The following HSPG2 variants were observed in gnomAD, a reference collection of about 807,000 sequenced individuals.
HSPG2 encodes the protein basement membrane-specific heparan sulfate proteoglycan core protein.
In HSPG2, 278 loss-of-function variants were observed where a neutral mutation model predicts 526.6. The ratio of observed to expected loss-of-function variants is 0.53; its 90% CI spans 0.48 to 0.58. The LOEUF is 0.58. Ranked by LOEUF, HSPG2 falls within the 20% of genes least tolerant of loss-of-function variation. The pLI, the probability that HSPG2 is intolerant of heterozygous loss-of-function variation, is 0.00. For missense variants in HSPG2, 5,354 were observed against 6,099.5 expected, an observed-to-expected ratio of 0.88 and a Z score of 4.07; for synonymous variants, 2,465 against 2,555.4, an observed-to-expected ratio of 0.96 and a Z score of 1.07.
In HSPG2 at chr1:21,847,918, T is replaced by C. The variant is rs754137971; in HGVS notation, c.7873+40A>G. 3.1e-6 allele frequency: 5 copies of C among 1,613,676 alleles called. No individual in the cohort carries two copies. The highest frequency in any genetic ancestry group is 4.2e-6 in the Non-Finnish European group (5 of 1,180,002). ...CACCGGGGACCTCTCTGCCACCCTC[T>C]GCGCCACTTGTCTGTACCCCCTGCC... On this transcript the variant is annotated intron_variant, in intron 60 of 96. Transcript: ENST00000374695. This position sits in a 1 kb window ranked among gnomAD's most constrained non-coding sequence, Gnocchi z 4.1.
intron 1 of HSPG2, among the ~76,000 whole-genome samples, chr1:21,930,747 C>T (rs1411371989): frequency 6.6e-6 from 1 of 150,808 alleles, no homozygotes; most frequent in Admixed American, 6.6e-5. Context: ...GCACTCTAGC[C>T]TGGGTAACAG....
At chr1:21,837,756 C>T (rs982785650) in intron 74 of HSPG2, among the ~76,000 whole-genome samples, 2 of 152,172 alleles carry the variant, frequency 1.3e-5, no homozygotes, top group Non-Finnish European at 2.9e-5. Flanking sequence ...CTGCGAGCCA[C>T]AGTTTTACAT....
chr1:21,912,746 G>A (rs779931323), intron 1 of HSPG2, among the ~76,000 whole-genome samples: 18 of 152,276 alleles, frequency 1.2e-4, no homozygotes, highest in Middle Eastern at 3.4e-3. Flanking sequence ...TTGGGAGGCC[G>A]AGGCAGGCGG....
At chr1:21,896,415 C>T (rs937865093) in intron 1 of HSPG2, 105 bp from the exon 2 acceptor site, 5 of 1,372,330 alleles carry the variant, frequency 3.6e-6, no homozygotes, top group Admixed American at 1.7e-5. Context: ...CCTTCAGGCC[C>T]CTTAGTGGTT....
chr1:21,850,366 G>A lies in HSPG2; in HGVS notation c.7291C>T (p.Pro2431Ser). Reference sequence around the variant, plus strand: ...GCCCTCCCTGAGAGCTACTCACCAGGCACTGAGCCCGCAGGCTCAATGGTG... The same window carrying A: ...GCCCTCCCTGAGAGCTACTCACCAGACACTGAGCCCGCAGGCTCAATGGTG... ...LVTIEPAGSVPALGVTPTVRI... is the reference protein window; with the variant it reads ...LVTIEPAGSVSALGVTPTVRI... The change falls in exon 56 of 97, where the codon CCT becomes TCT. Residue 2431 changes from proline (P) to serine (S), a missense_variant. Coordinates refer to ENST00000374695, the MANE Select transcript of HSPG2 (RefSeq NM_005529.7). 6.2e-7 allele frequency: 1 copy of A among 1,606,940 alleles called. No homozygotes were observed. The highest frequency in any genetic ancestry group is 2.2e-5 in the East Asian group (1 of 44,522).
intron 40 of HSPG2, 41 bp downstream of exon 40, chr1:21,860,136 C>T: frequency 6.2e-7 from 1 of 1,611,740 alleles, no homozygotes; most frequent in Non-Finnish European, 8.5e-7. Flanking sequence ...GGGCTCCCTG[C>T]CTTGCCCATC....
chr1:21,830,253 G>T (rs905388186), intron 85 of HSPG2, 162 bp from the exon 86 acceptor site: 3 of 646,300 alleles, frequency 4.6e-6, no homozygotes, highest in African/African-American at 3.6e-5. Context: ...AGAGCAAGGC[G>T]GGAGCCAGAA....
At position 21,872,943 on chromosome 1, in the gene HSPG2, G is replaced by A; in HGVS notation, c.3888+54C>T. 6.3e-7 allele frequency: 1 copy of A among 1,579,150 alleles called. No homozygotes were observed. The highest frequency in any genetic ancestry group is 8.7e-7 in the Non-Finnish European group (1 of 1,149,072). Reference sequence around the variant, plus strand: ...CCAGATGCTGCCTGATTTCCCCGCAGGGTCTGGGCAGCGGGGCAGAGCAGG... The same window carrying A: ...CCAGATGCTGCCTGATTTCCCCGCAAGGTCTGGGCAGCGGGGCAGAGCAGG... On this transcript the variant is annotated intron_variant, in intron 31 of 96. Coordinates refer to ENST00000374695, the MANE Select transcript of HSPG2 (RefSeq NM_005529.7). This position sits in a 1 kb window ranked among gnomAD's most constrained non-coding sequence, Gnocchi z 5.5.
intron 1 of HSPG2, among the ~76,000 whole-genome samples, chr1:21,919,089 C>G (rs1643958406): frequency 6.6e-6 from 1 of 152,234 alleles, no homozygotes; most frequent in Non-Finnish European, 1.5e-5. Flanking sequence ...CTTTGTCCAG[C>G]TGTGCCGAGC....
At chr1:21,851,421 A>G in intron 55 of HSPG2, 125 bp downstream of exon 55, 1 of 1,372,242 alleles carries the variant, frequency 7.3e-7, no homozygotes, top group Non-Finnish European at 1.0e-6. Context: ...CCACTGCACT[A>G]TACATCTGTG....
At position 21,842,107 on chromosome 1, in the gene HSPG2, TGGGCGGGTCGATGGAGATGACC is replaced by T; in HGVS notation, c.9066_9087del (p.Val3023AlafsTer75). The T allele has an allele frequency of 6.2e-7, 1 of 1,613,666 alleles. No homozygotes were observed. The highest frequency in any genetic ancestry group is 8.5e-7 in the Non-Finnish European group (1 of 1,180,006). ...TCCTGGCCCTGCTGCACGGTGCTGC[TGGGCGGGTCGATGGAGATGACC>T]GGGCTCCTAAGGCCTGGGGCCAAAG... On this transcript the variant is annotated frameshift_variant, in exon 69 of 97. Coordinates refer to ENST00000374695, the MANE Select transcript of HSPG2 (RefSeq NM_005529.7). LOFTEE classifies it high-confidence loss of function.
At chr1:21,823,964 T>C in intron 95 of HSPG2, 157 bp downstream of exon 95, 6 of 835,444 alleles carry the variant, frequency 7.2e-6, no homozygotes, top group South Asian at 1.5e-5. Flanking sequence ...CAGTCCGAGA[T>C]GGAAGCCCGA....
In HSPG2 at chr1:21,864,027, C is replaced by T. The variant is rs922783550; in HGVS notation, c.4740+73G>A. 9.1e-5 allele frequency: 106 copies of T among 1,166,320 alleles called. No homozygotes were observed. The highest frequency in any genetic ancestry group is 1.3e-4 in the Non-Finnish European group (104 of 798,312). The allele number at this position is 1,166,320 out of a possible 1,614,324, so 72.2% of individuals were successfully genotyped here. On this transcript the variant is annotated intron_variant, in intron 37 of 96. Coordinates refer to ENST00000374695, the MANE Select transcript of HSPG2 (RefSeq NM_005529.7). The surrounding 1 kb of genome is among the most constrained non-coding windows in gnomAD (Gnocchi z 4.8). ...TCCTGATCCCCTGGATTGATGCCTG[C>T]CTTGTCCAGCCCTGGTCCCCCACCC...
rs2152735198 is a variant in HSPG2, at chr1:21,864,213, C to T, written c.4627G>A (p.Asp1543Asn). The change falls in exon 37 of 97, where the codon GAC becomes AAC. Residue 1543 changes from aspartate to asparagine, a missense_variant and splice_region_variant. Transcript: ENST00000374695. This position sits in a 1 kb window ranked among gnomAD's most constrained non-coding sequence, Gnocchi z 4.8. ...GTGCGCGTGTAGCCGGGGGCACAGT[C>T]CTAGGGGCAGAGAGGAAGGTTGGCC... ...PPGYIGLSCQ[D>N]CAPGYTRTGS... 1.3e-6 allele frequency: 2 copies of T among 1,551,198 alleles called. No homozygotes were observed. The highest frequency in any genetic ancestry group is 4.9e-5 in the East Asian group (2 of 40,976).
rs1409955669 is a variant in HSPG2, at chr1:21,895,359, C to A, written c.244+563G>T. 6.6e-6 allele frequency among the ~76,000 whole-genome samples: 1 copy of A among 152,194 alleles called. No individual in the cohort carries two copies. The highest frequency in any genetic ancestry group is 1.9e-4 in the East Asian group (1 of 5,192). ...AGTCTGACCAGGGTGGGGGCTGACT[C>A]TCCTCCCTCCAAGAGCCTAGCCTTG... On this transcript the variant is annotated intron_variant, in intron 3 of 96. Coordinates refer to ENST00000374695, the MANE Select transcript of HSPG2 (RefSeq NM_005529.7). The surrounding 1 kb of genome is among the most constrained non-coding windows in gnomAD (Gnocchi z 4.1).
At chr1:21,861,345 G>A (rs1008947045) in intron 39 of HSPG2, among the ~76,000 whole-genome samples, 1 of 152,136 alleles carries the variant, frequency 6.6e-6, no homozygotes, top group Non-Finnish European at 1.5e-5. Flanking sequence ...AACAGCATAA[G>A]CAAGGCCTGA....
intron 1 of HSPG2, among the ~76,000 whole-genome samples, chr1:21,922,974 C>T (rs1292054678): frequency 2.0e-5 from 3 of 152,134 alleles, no homozygotes; most frequent in Admixed American, 1.3e-4. Flanking sequence ...CACCCCGACC[C>T]CAGAAGGCGG....
Position 21,855,293 on chromosome 1 carries a change from C to T in HSPG2, c.5997+11G>A. On this transcript the variant is annotated intron_variant, in intron 47 of 96. Coordinates refer to ENST00000374695, the MANE Select transcript of HSPG2 (RefSeq NM_005529.7). ...TGGGCCTCCTCCTCCTGGGTGGGCC[C>T]ATCTCCTCACCTGTGGTGGGAGGCT... The T allele has an allele frequency of 6.3e-7, 1 of 1,599,120 alleles. No homozygotes were observed. Among genetic ancestry groups the T allele is most frequent in the Non-Finnish European group, 8.5e-7 (1 of 1,173,890 alleles).
rs1381099115 is a variant in HSPG2 at position 21,865,240 on chromosome 1, G to A, written c.4395+45C>T. On this transcript the variant is annotated intron_variant, in intron 35 of 96. Coordinates refer to ENST00000374695, the MANE Select transcript of HSPG2 (RefSeq NM_005529.7). The surrounding 1 kb of genome is among the most constrained non-coding windows in gnomAD (Gnocchi z 5.4). ...CAAAGCCAGGCTCTGAGTCAGGGTG[G>A]AGGGTGGGGTGGGGTTAGACACAGC... 1.3e-6 allele frequency: 2 copies of A among 1,587,294 alleles called. No homozygotes were observed. Among genetic ancestry groups the A allele is most frequent in the African/African-American group, 1.3e-5 (1 of 74,480 alleles).
Sources: gnomAD v4.1 joint callset for allele counts (sites outside exome capture counted in the v4.1 genomes callset) on GRCh38, gnomAD v4.1.1 for gene constraint, Gnocchi (gnomAD v3.1) non-coding constraint, MANE v1.5 for transcripts, NCBI Gene and HGNC (gene_info 2026-07-23, HGNC 2026-07-21) for gene names.